The following LIMA1 variants were observed in gnomAD, a reference collection of about 807,000 sequenced individuals.
LIMA1 encodes LIM domain and actin-binding protein 1.
In LIMA1, 52 loss-of-function variants were observed where a neutral mutation model predicts 62.6. The ratio of observed to expected loss-of-function variants is 0.83; its 90% confidence interval spans 0.67 to 1.05. The LOEUF is 1.05. Ranked by LOEUF, LIMA1 falls within the 50% of genes least tolerant of loss-of-function variation. The pLI is 0.00. For missense variants in LIMA1, 780 were observed against 902.2 expected, an observed-to-expected ratio of 0.86 and a Z score of 1.74; for synonymous variants, 302 against 317.8, an observed-to-expected ratio of 0.95 and a Z score of 0.53.
At chr12:50,223,574 A>G (rs1185418996) in intron 3 of LIMA1, among the ~76,000 whole-genome samples, 2 of 152,206 alleles carry the variant, frequency 1.3e-5, no homozygotes, top group Non-Finnish European at 2.9e-5. Flanking sequence ...TTCAAATGCA[A>G]ATACCACTAC....
intron 4 of LIMA1, among the ~76,000 whole-genome samples, chr12:50,212,696 C>G (rs1246689428): frequency 6.6e-6 from 1 of 151,922 alleles, no homozygotes; most frequent in African/African-American, 2.4e-5. Flanking sequence ...GGGAATGTGT[C>G]CTTATATTGT....
chr12:50,205,745 G>A (rs961171792), intron 5 of LIMA1, among the ~76,000 whole-genome samples: 11 of 149,970 alleles, frequency 7.3e-5, no homozygotes, highest in Non-Finnish European at 1.3e-4. Context: ...CGGGCATGAC[G>A]GCTCATGCCT....
intron 8 of LIMA1, among the ~76,000 whole-genome samples, chr12:50,193,585 GTATATA>G (rs1233003754): frequency 9.2e-6 from 1 of 108,914 alleles, no homozygotes; most frequent in East Asian, 2.4e-4. Flanking sequence ...ATATATACAT[GTATATA>G]TGATATATAT....
rs748445745 is a variant in LIMA1 at position 50,223,994 on chromosome 12, C to T, written c.166-1509G>A. 1.8e-4 allele frequency among the ~76,000 whole-genome samples: 27 copies of T among 151,840 alleles called. No homozygotes were observed. In the South Asian group the frequency reaches 4.0e-3, roughly 22 times the overall value. The stretch of plus-strand genomic sequence containing the variant: ...CGGAGGTTGCAGTGAGCCCAAATCG[C>T]GCCACTGCACTCCAGTCCGGGTGAC... On this transcript the variant is annotated intron_variant, in intron 3 of 10. Transcript: ENST00000341247.
chr12:50,256,667 T>C (rs1231323855), intron 1 of LIMA1, among the ~76,000 whole-genome samples: 3 of 152,228 alleles, frequency 2.0e-5, no homozygotes, highest in African/African-American at 4.8e-5. Context: ...TCAGATATTA[T>C]GTAGAATGTT....
intron 1 of LIMA1, among the ~76,000 whole-genome samples, chr12:50,279,283 G>A (rs1942310902): frequency 6.7e-6 from 1 of 150,208 alleles, no homozygotes; most frequent in Admixed American, 6.6e-5. Context: ...GGGATTACAG[G>A]CATGAGCCAT....
chr12:50,221,428 T>C (rs1315632894), intron 4 of LIMA1, among the ~76,000 whole-genome samples: 1 of 152,196 alleles, frequency 6.6e-6, no homozygotes, highest in Non-Finnish European at 1.5e-5. Context: ...TTAGCAGTTG[T>C]AGGAAAACGC....
chr12:50,210,449 GAAC>G (rs1941236619), intron 4 of LIMA1, among the ~76,000 whole-genome samples: 1 of 129,598 alleles, frequency 7.7e-6, no homozygotes, highest in Non-Finnish European at 1.7e-5. Flanking sequence ...AAAAAGAAAA[GAAC>G]AACCAAAAGG....
chr12:50,239,877 CCA>C (rs1411383629), intron 2 of LIMA1, among the ~76,000 whole-genome samples: 1 of 149,508 alleles, frequency 6.7e-6, no homozygotes, highest in African/African-American at 2.5e-5. Flanking sequence ...GCCTGTAGTC[CCA>C]GTTACTCAGG....
intron 4 of LIMA1, among the ~76,000 whole-genome samples, chr12:50,212,681 C>T (rs547732272): frequency 4.6e-5 from 7 of 152,022 alleles, no homozygotes; most frequent in African/African-American, 1.2e-4. Context: ...AATGCTAATG[C>T]TTTGGGGAAT....
chr12:50,192,410 T>C, intron 9 of LIMA1, 42 bp downstream of exon 9: 3 of 1,290,806 alleles, frequency 2.3e-6, no homozygotes, highest in Non-Finnish European at 3.4e-6. Context: ...GCTCTACCAG[T>C]AGACCAATGT....
chr12:50,182,229 A>G, intron 9 of LIMA1, 192 bp from the exon 10 acceptor site: 1 of 544,046 alleles, frequency 1.8e-6, no homozygotes, highest in Non-Finnish European at 3.2e-6. Flanking sequence ...TCCCTTCCCA[A>G]ACTGTGTGGC....
chr12:50,195,594 T>G, intron 8 of LIMA1: 1 of 368,664 alleles, frequency 2.7e-6, no homozygotes, highest in Non-Finnish European at 4.8e-6. Context: ...TAGGATGAAT[T>G]CAATGAGAAA....
chr12:50,236,392 G>T (rs185855460), intron 2 of LIMA1, among the ~76,000 whole-genome samples: 265 of 150,318 alleles, frequency 1.8e-3, no homozygotes, highest in African/African-American at 6.1e-3. Flanking sequence ...CTGCCTCCCA[G>T]GTTCAAGTGA....
chr12:50,206,000 G>T lies in LIMA1; in HGVS notation c.699C>A (p.Asp233Glu). 6.2e-7 allele frequency: 1 copy of T among 1,611,772 alleles called. No homozygotes were observed. The highest frequency in any genetic ancestry group is 8.5e-7 in the Non-Finnish European group (1 of 1,178,478). The change falls in exon 5 of 11, where the codon GAC becomes GAA. Residue 233 changes from aspartate (D) to glutamate (E), a missense_variant. Physicochemically the swap from Asp to Glu is conservative, Grantham distance 45 (BLOSUM62 2). Transcript: ENST00000341247. ...TCTGCTTACCTGGGCCTATTTCCAGGTCATCTAGAGAATAGCTGTTTTCAG... is the reference window on the plus strand; with the variant it reads ...TCTGCTTACCTGGGCCTATTTCCAGTTCATCTAGAGAATAGCTGTTTTCAG... ...KISENSYSLD[D>E]LEIGPGQLSS...
intron 1 of LIMA1, chr12:50,249,622 C>T (rs1941900646): frequency 6.6e-6 from 1 of 152,120 alleles, no homozygotes; most frequent in African/African-American, 2.4e-5. Flanking sequence ...AGTCCCTACC[C>T]ATTAATCTGG....
chr12:50,245,485 A>G (rs1397471575), intron 2 of LIMA1, among the ~76,000 whole-genome samples: 1 of 151,776 alleles, frequency 6.6e-6, no homozygotes, highest in East Asian at 1.9e-4. Context: ...CAGGTCACTG[A>G]TGTGGACCCA....
chr12:50,222,325 G>A lies in LIMA1; in HGVS notation c.326C>T (p.Thr109Ile), dbSNP rs757436168. The change falls in exon 4 of 11, where the codon ACA becomes ATA. Residue 109 changes from threonine to isoleucine, a missense_variant. Physicochemically the swap from Thr to Ile is moderately conservative, Grantham distance 89 (BLOSUM62 -1). Coordinates refer to ENST00000341247, the MANE Select transcript of LIMA1 (RefSeq NM_016357.5). ...TTTGGCTCCAGAAGCAGCGTGGCTT[G>A]TCACTTCAGCAGGAGGATGGTCTGC... ...HRADHPPAEV[T>I]SHAASGAKAD... is the part of the protein sequence containing the mutation. 2.5e-6 allele frequency: 4 copies of A among 1,614,138 alleles called. No individual in the cohort carries two copies. In the South Asian group the frequency reaches 4.4e-5, roughly 18 times the overall value.
chr12:50,220,785 G>C (rs1364230482), intron 4 of LIMA1, among the ~76,000 whole-genome samples: 1 of 152,160 alleles, frequency 6.6e-6, no homozygotes, highest in African/African-American at 2.4e-5. Flanking sequence ...AGGACTAAAG[G>C]TCTAAAAACT....
Sources: gnomAD v4.1 joint callset for allele counts (sites outside exome capture counted in the v4.1 genomes callset) on GRCh38, gnomAD v4.1.1 for gene constraint, MANE v1.5 for transcripts, NCBI Gene and HGNC (gene_info 2026-07-23, HGNC 2026-07-21) for gene names.